The following SS18L2 variants were observed in gnomAD, a reference collection of about 807,000 sequenced individuals.
SS18L2 encodes the protein SS18-like protein 2.
A neutral mutation model predicts 10.3 loss-of-function variants in SS18L2; 8 were observed. The observed-to-expected ratio is 0.78, with a 90% CI of 0.46 to 1.41. SS18L2 has a LOEUF of 1.41. SS18L2 is among the 40% of genes most tolerant of loss of function. The pLI is 0.00. For synonymous variants in SS18L2, 41 were observed against 34.6 expected (o/e 1.19, Z -0.65); for missense variants, 100 against 96.2 (o/e 1.04, Z -0.17).
rs72864020 is a variant in SS18L2 at position 42,595,970 on chromosome 3, A to G, written c.*1461A>G. ...AATCTATGTTAGCACTAATGTGCTGAGGGCTCTGGCTCTTTCTTTTTTCTT... is the reference window on the plus strand; with the variant it reads ...AATCTATGTTAGCACTAATGTGCTGGGGGCTCTGGCTCTTTCTTTTTTCTT... On this transcript the variant is annotated 3_prime_UTR_variant, in exon 3 of 3. Transcript: ENST00000011691. Among the ~76,000 whole-genome samples the G allele has an allele frequency of 0.017, 2,563 of 152,286 alleles. 68 individuals carry two copies. Among genetic ancestry groups the G allele is most frequent in the African/African-American group, 0.058 (2,401 of 41,562 alleles).
upstream of SS18L2, chr3:42,590,765 G>C: frequency 1.1e-6 from 1 of 921,748 alleles, no homozygotes; most frequent in Non-Finnish European, 1.8e-6. Context: ...TAGCTCTTGC[G>C]CGTCCAGTCA....
chr3:42,586,743 C>T (rs1704623968), upstream of SS18L2, among the ~76,000 whole-genome samples: 1 of 152,200 alleles, frequency 6.6e-6, no homozygotes, highest in African/African-American at 2.4e-5. Flanking sequence ...TACATAGTTC[C>T]AGTCAGTTTC....
At chr3:42,587,634 G>T (rs1482991270), upstream of SS18L2, 1 of 152,146 alleles carries the variant, frequency 6.6e-6, no homozygotes, top group Non-Finnish European at 1.5e-5. Flanking sequence ...TACTGGGGAA[G>T]CTGAGGCAGG....
chr3:42,591,436 G>A (rs1165789276), intron 1 of SS18L2, 89 bp from the exon 2 acceptor site: 7 of 915,382 alleles, frequency 7.6e-6, no homozygotes, highest in South Asian at 2.6e-5. Flanking sequence ...CTCGTGATCC[G>A]CCTAGATCGG....
chr3:42,585,128 T>C (rs1704569308), intron 1 of SS18L2, among the ~76,000 whole-genome samples: 1 of 151,862 alleles, frequency 6.6e-6, no homozygotes, highest in Admixed American at 6.6e-5. Context: ...AAACTCCATC[T>C]CAAAAAACAA....
chr3:42,585,578 A>C (rs1285331133), intron 1 of SS18L2, among the ~76,000 whole-genome samples: 29 of 152,072 alleles, frequency 1.9e-4, no homozygotes, highest in East Asian at 1.9e-4. Context: ...TCGAGTCTTC[A>C]TTTCCTTCCC....
rs1046281497 is a variant in SS18L2 at position 42,596,086 on chromosome 3, A to G, written c.*1577A>G. On this transcript the variant is annotated 3_prime_UTR_variant, in exon 3 of 3. Coordinates refer to ENST00000011691, the MANE Select transcript of SS18L2 (RefSeq NM_001370300.1). ...CGCTCTGTCGGAGTGCAGTGGTGCA[A>G]TTTTGGCTCACTGCAACCTCTACCT... Among the ~76,000 whole-genome samples the G allele has an allele frequency of 5.3e-5, 8 of 151,280 alleles. No individual in the cohort carries two copies. The highest frequency in any genetic ancestry group is 4.0e-4 in the Admixed American group (6 of 15,186).
In SS18L2 at chr3:42,595,586, G is replaced by A. The variant is rs980193142; in HGVS notation, c.*1077G>A. 2.0e-5 allele frequency among the ~76,000 whole-genome samples: 3 copies of A among 152,138 alleles called. No individual in the cohort carries two copies. Among genetic ancestry groups the A allele is most frequent in the African/African-American group, 4.8e-5 (2 of 41,428 alleles). ...CCAGCTTTGATGTGGTAATTCATTA[G>A]GGATTACATAATGAGGATTTTCTAA... On this transcript the variant is annotated 3_prime_UTR_variant, in exon 3 of 3. Transcript: ENST00000011691.
At chr3:42,594,323 G>A (rs1302698583) in intron 2 of SS18L2, 99 bp from the exon 3 acceptor site, 2 of 839,896 alleles carry the variant, frequency 2.4e-6, no homozygotes, top group South Asian at 3.0e-5. Context: ...CCAGTCAGTG[G>A]ATGAGCCATT....
intron 2 of SS18L2, 27 bp from the exon 3 acceptor site, chr3:42,594,395 G>A (rs1384410625): frequency 6.3e-7 from 1 of 1,588,530 alleles, no homozygotes; most frequent in Admixed American, 1.7e-5. Flanking sequence ...ACAAGCCTCT[G>A]ATTTTTGCCT....
At chr3:42,593,631 T>C (rs1052432030) in intron 2 of SS18L2, among the ~76,000 whole-genome samples, 1 of 152,074 alleles carries the variant, frequency 6.6e-6, no homozygotes, top group Non-Finnish European at 1.5e-5. Context: ...GGGAAATCCA[T>C]AGTAAAACAG....
Position 42,590,971 on chromosome 3 carries a change from G to A in SS18L2, c.69+5G>A, listed in dbSNP as rs1296861005. The A allele has an allele frequency of 1.2e-5, 5 of 409,294 alleles. No homozygotes were observed. Among genetic ancestry groups the A allele is most frequent in the African/African-American group, 7.6e-5 (3 of 39,292 alleles). The allele number at this position is 409,294 out of a possible 1,614,324, so 25.4% of individuals were successfully genotyped here. On this transcript the variant is annotated splice_donor_5th_base_variant and intron_variant, in intron 1 of 2. Transcript: ENST00000011691. ...AATCAAGAGACTATCCAGCGGGTGAGCATCCACGCGGGCGGGCGGGCGGGC... is the reference window on the plus strand; with the variant it reads ...AATCAAGAGACTATCCAGCGGGTGAACATCCACGCGGGCGGGCGGGCGGGC...
intron 2 of SS18L2, 104 bp from the exon 3 acceptor site, chr3:42,594,318 C>A: frequency 1.3e-6 from 1 of 781,180 alleles, no homozygotes; most frequent in South Asian, 1.6e-5. Flanking sequence ...ATCATCCAGT[C>A]AGTGGATGAG....
intron 2 of SS18L2, among the ~76,000 whole-genome samples, chr3:42,592,066 G>C (rs756352125): frequency 1.3e-5 from 2 of 152,104 alleles, no homozygotes; most frequent in African/African-American, 2.4e-5. Flanking sequence ...ACAAACAAAG[G>C]ATTTACAAGT....
chr3:42,591,542 C>T lies in SS18L2; in HGVS notation c.87C>T (p.Asp29=), dbSNP rs141715812. The change falls in exon 2 of 3, where the codon GAC becomes GAT. Residue 29 remains aspartate, a synonymous_variant. Coordinates refer to ENST00000011691, the MANE Select transcript of SS18L2 (RefSeq NM_001370300.1). ...ETIQRLLEEN[D]QLIRCIVEYQ... ...TCTTTCAGCTCCTTGAGGAGAATGA[C>T]CAGCTGATCCGCTGTATTGTGGAGT... 3.1e-6 allele frequency: 5 copies of T among 1,613,646 alleles called. No individual in the cohort carries two copies. Among genetic ancestry groups the T allele is most frequent in the Non-Finnish European group, 3.4e-6 (4 of 1,179,706 alleles).
At chr3:42,587,016 T>TCA (rs1346956667), upstream of SS18L2, among the ~76,000 whole-genome samples, 1 of 152,182 alleles carries the variant, frequency 6.6e-6, no homozygotes. Flanking sequence ...CCCCACTTGA[T>TCA]CACTAAGGCC....
chr3:42,590,395 C>T (rs1252486771), upstream of SS18L2, among the ~76,000 whole-genome samples: 1 of 152,156 alleles, frequency 6.6e-6, no homozygotes, highest in African/African-American at 2.4e-5. Flanking sequence ...CTTTGGGAGG[C>T]CGAGGCGGGC....
rs1704802109 is a variant in SS18L2, at chr3:42,590,917, C to T, written c.20C>T (p.Pro7Leu). 1.2e-5 allele frequency: 17 copies of T among 1,394,598 alleles called. No homozygotes were observed. The highest frequency in any genetic ancestry group is 1.6e-5 in the Non-Finnish European group (17 of 1,047,470). 86.4% of individuals were successfully genotyped at this position (1,394,598 alleles called of 1,614,324 possible). A position where few individuals can be genotyped will look rare whatever the true frequency, so the allele number is the denominator to read the frequency against. The change falls in exon 1 of 3, where the codon CCG (proline) becomes CTG (leucine). Residue 7 changes from proline (P) to leucine (L), a missense_variant. By Grantham distance (98) the Pro-to-Leu change is moderately conservative. Transcript: ENST00000011691. Reference sequence around the variant, plus strand: ...CTCGGGATGTCGGTGGCCTTCGTACCGGACTGGCTGAGGGGCAAGGCGGAA... The same window carrying T: ...CTCGGGATGTCGGTGGCCTTCGTACTGGACTGGCTGAGGGGCAAGGCGGAA... MSVAFVPDWLRGKAEVN... is the reference protein window; with the variant it reads MSVAFVLDWLRGKAEVN...
At chr3:42,587,951 TA>T (rs1704677597), upstream of SS18L2, among the ~76,000 whole-genome samples, 3 of 151,696 alleles carry the variant, frequency 2.0e-5, no homozygotes, top group South Asian at 6.2e-4. Flanking sequence ...TGCATGCCTG[TA>T]ATCCTGGCCA....
Sources: gnomAD v4.1 joint callset for allele counts (sites outside exome capture counted in the v4.1 genomes callset) on GRCh38, gnomAD v4.1.1 for gene constraint, MANE v1.5 for transcripts, NCBI Gene and HGNC (gene_info 2026-07-23, HGNC 2026-07-21) for gene names.